DNHD1: variants seen among roughly 807,000 people sequenced by gnomAD.
DNHD1 encodes dynein heavy chain domain-containing protein 1.
Under a neutral mutation model 458.1 loss-of-function variants are expected in DNHD1, and 383 were observed. The ratio of observed to expected loss-of-function variants is 0.84; its 90% CI spans 0.77 to 0.91. DNHD1 has a LOEUF of 0.91. Ranked by LOEUF, DNHD1 falls within the 40% of genes least tolerant of loss-of-function variation. The probability of loss-of-function intolerance (pLI) is 0.00; values close to 1 mark genes in which losing one functional copy is unlikely to be tolerated. For synonymous variants in DNHD1, 2,203 were observed against 2,376.9 expected (o/e 0.93, Z 2.13); for missense variants, 5,336 against 5,866.1 (o/e 0.91, Z 2.95).
chr11:6,570,997 G>T lies in DNHD1; in HGVS notation c.13485G>T (p.Leu4495Phe), dbSNP rs1328908142. 2.2e-5 allele frequency: 35 copies of T among 1,600,968 alleles called. No individual in the cohort carries two copies. The highest frequency in any genetic ancestry group is 2.7e-5 in the Non-Finnish European group (32 of 1,170,782). Residue 4495 changes from leucine (L) to phenylalanine (F), a missense_variant, in exon 42 of 43, where the codon TTG (leucine) becomes TTT (phenylalanine). Leu to Phe is a conservative substitution (Grantham distance 22). This residue lies in a region of DNHD1 where 698 missense variants were observed against 664.9 expected (regional missense o/e 1.05). Coordinates refer to ENST00000254579, the MANE Select transcript of DNHD1 (RefSeq NM_144666.3). The part of the protein sequence containing the change: ...LETEALELSQ[L>F]VGTLQRDLDC... ...CCGAGGCTCTAGAACTGAGCCAGTT[G>T]GTGGGCACGCTACAACGCGACCTTG...
At chr11:6,516,974 C>T (rs1264720244) in intron 7 of DNHD1, among the ~76,000 whole-genome samples, 1 of 152,054 alleles carries the variant, frequency 6.6e-6, no homozygotes, top group African/African-American at 2.4e-5. Flanking sequence ...ACTCAGGCCT[C>T]TATAACAAAA....
Position 6,533,870 on chromosome 11 carries a change from C to A in DNHD1, c.2695C>A (p.Leu899Ile). 2 of 1,550,640 alleles carry A rather than the reference C, an allele frequency of 1.3e-6. No individual in the cohort carries two copies. Among genetic ancestry groups the A allele is most frequent in the Non-Finnish European group, 1.7e-6 (2 of 1,146,394 alleles). ...PCPPPPQPHL[L>I]HCPLLAPQLL... ...CCCTCCTCCCCCACAACCACATCTA[C>A]TCCACTGCCCTCTGCTTGCCCCACA... Residue 899 changes from leucine (L) to isoleucine (I), a missense_variant, in exon 14 of 43, where the codon CTC becomes ATC. Transcript: ENST00000254579.
chr11:6,503,019 C>T, intron 4 of DNHD1, 93 bp downstream of exon 4: 2 of 1,393,754 alleles, frequency 1.4e-6, no homozygotes, highest in Admixed American at 2.4e-5. Context: ...GCGCACCCTT[C>T]TCCCTGTCCT....
At position 6,497,754 on chromosome 11, in the gene DNHD1, A is replaced by G. The variant is rs1485461238; in HGVS notation, c.-445-17A>G. ...CAGACTGGAACTCAAGTCTAAGTTC[A>G]TTCACTGCTCCAGCAGGCACTCTTC... On this transcript the variant is annotated splice_polypyrimidine_tract_variant and intron_variant, in intron 2 of 42. Transcript: ENST00000254579. 1.2e-5 allele frequency: 2 copies of G among 170,548 alleles called. No individual in the cohort carries two copies. The highest frequency in any genetic ancestry group is 3.3e-4 in the East Asian group (2 of 6,012). The allele number at this position is 170,548 out of a possible 1,614,324, so 10.6% of individuals were successfully genotyped here.
intron 6 of DNHD1, among the ~76,000 whole-genome samples, chr11:6,510,022 ATCCAC>A (rs1852304462): frequency 6.6e-6 from 1 of 152,244 alleles, no homozygotes; most frequent in East Asian, 1.9e-4. Flanking sequence ...TTTCCTAGAA[ATCCAC>A]ATTTTGTTAT....
chr11:6,558,294 A>G lies in DNHD1; in HGVS notation c.8999A>G (p.Gln3000Arg). 1 of 1,550,758 alleles carries G rather than the reference A, an allele frequency of 6.4e-7. No homozygotes were observed. The highest frequency in any genetic ancestry group is 8.7e-7 in the Non-Finnish European group (1 of 1,146,640). Residue 3000 changes from glutamine (Q) to arginine (R), a missense_variant, in exon 25 of 43, where the codon CAG becomes CGG. Coordinates refer to ENST00000254579, the MANE Select transcript of DNHD1 (RefSeq NM_144666.3). ...AACATCAAGAAGGAAATGGTGTTGC[A>G]GAGGTGAGGCCAAGAACCCCATATG... is the stretch of plus-strand genomic sequence containing the variant. ...KQNIKKEMVLQRFHQQVCSHL... is the reference protein window; with the variant it reads ...KQNIKKEMVLRRFHQQVCSHL...
At position 6,548,025 on chromosome 11, in the gene DNHD1, C is replaced by G; in HGVS notation, c.6890C>G (p.Ala2297Gly). 6.4e-7 allele frequency: 1 copy of G among 1,551,640 alleles called. No homozygotes were observed. The highest frequency in any genetic ancestry group is 8.7e-7 in the Non-Finnish European group (1 of 1,146,970). ...FLFALIWGFGAHLPSRFWPIF... is the reference protein window; with the variant it reads ...FLFALIWGFGGHLPSRFWPIF... ...TTTGCCTTGATCTGGGGCTTTGGAGCCCACCTTCCCTCCAGGTACCTACCA... is the reference window on the plus strand; with the variant it reads ...TTTGCCTTGATCTGGGGCTTTGGAGGCCACCTTCCCTCCAGGTACCTACCA... Residue 2297 changes from alanine (A) to glycine (G), a missense_variant, in exon 22 of 43, where the codon GCC (alanine) becomes GGC (glycine). Coordinates refer to ENST00000254579, the MANE Select transcript of DNHD1 (RefSeq NM_144666.3). The surrounding 1 kb of genome is among the most constrained non-coding windows in gnomAD (Gnocchi z 4.4).
Position 6,547,424 on chromosome 11 carries a change from C to T in DNHD1, c.6485C>T (p.Ala2162Val), listed in dbSNP as rs1201538619. The change falls in exon 21 of 43, where the codon GCA becomes GTA. Residue 2162 changes from alanine (A) to valine (V), a missense_variant. Physicochemically the swap from Ala to Val is moderately conservative, Grantham distance 64 (BLOSUM62 0). This residue lies in a region of DNHD1 where 3,932 missense variants were observed against 4,365.6 expected (regional missense o/e 0.90). Transcript: ENST00000254579. ...CAGTGTATACTTAGTGCCCTGATGG[C>T]ATCCCTTCCTTATGAGTACCGCCTG... ...TWQCILSALM[A>V]SLPYEYRLQH... 3.9e-6 allele frequency: 6 copies of T among 1,551,732 alleles called. No homozygotes were observed. Among genetic ancestry groups the T allele is most frequent in the Non-Finnish European group, 4.4e-6 (5 of 1,146,986 alleles).
In DNHD1 at chr11:6,567,017, A is replaced by G; in HGVS notation, c.11508A>G (p.Leu3836=). The change falls in exon 36 of 43, where the codon TTA becomes TTG. Residue 3836 remains leucine, a synonymous_variant. Transcript: ENST00000254579. ...AGCTGCGTGCTCATTGTGAAGAGTT[A>G]GAAGGGCAGAAACTACAGGAGATGG... is the stretch of plus-strand genomic sequence containing the variant. ...LCQLRAHCEE[L]EGQKLQEMVL... 1 of 1,614,052 alleles carries G rather than the reference A, an allele frequency of 6.2e-7. No homozygotes were observed. The highest frequency in any genetic ancestry group is 8.5e-7 in the Non-Finnish European group (1 of 1,179,900).
At chr11:6,521,560 G>A (rs1852604554) in intron 10 of DNHD1, among the ~76,000 whole-genome samples, 1 of 151,928 alleles carries the variant, frequency 6.6e-6, no homozygotes, top group South Asian at 2.1e-4. Flanking sequence ...AAAGATAGAA[G>A]GAAAAACAAA....
intron 12 of DNHD1, among the ~76,000 whole-genome samples, chr11:6,532,429 C>A (rs962019080): frequency 7.1e-4 from 108 of 152,300 alleles, no homozygotes; most frequent in African/African-American, 2.5e-3. Flanking sequence ...ACTTTCTTTA[C>A]TTTAATCCTT....
At chr11:6,549,033 T>A in intron 24 of DNHD1, 100 bp downstream of exon 24, 1 of 1,319,486 alleles carries the variant, frequency 7.6e-7, no homozygotes, top group East Asian at 2.5e-5. Flanking sequence ...TGTCTGTAGA[T>A]CTAACTTTAG....
intron 28 of DNHD1, among the ~76,000 whole-genome samples, chr11:6,560,335 C>T (rs531784039): frequency 2.6e-4 from 39 of 152,238 alleles, no homozygotes; most frequent in East Asian, 5.8e-4. Context: ...TGGCATATGT[C>T]GTGTCTACTA....
At position 6,571,948 on chromosome 11, in the gene DNHD1, C is replaced by T; in HGVS notation, c.14224C>T (p.Gln4742Ter). ...PTKLTPNTCV[Q>*]RRVHVCSPPL... The stretch of plus-strand genomic sequence containing the variant: ...CAAGCTCACCCCCAACACCTGTGTC[C>T]AAAGGAGGGTCCATGTGTGCAGCCC... The change falls in exon 43 of 43, where the codon CAA (glutamine) becomes TAA (stop). Residue 4742 changes from glutamine (Q) to a stop codon, truncating the protein, a stop_gained. Coordinates refer to ENST00000254579, the MANE Select transcript of DNHD1 (RefSeq NM_144666.3). LOFTEE classifies it high-confidence loss of function. This position sits in a 1 kb window ranked among gnomAD's most constrained non-coding sequence, Gnocchi z 5.0. The T allele has an allele frequency of 6.2e-7, 1 of 1,613,398 alleles. No homozygotes were observed. The highest frequency in any genetic ancestry group is 8.5e-7 in the Non-Finnish European group (1 of 1,179,460).
Position 6,557,482 on chromosome 11 carries a change from G to C in DNHD1, c.8187G>C (p.Glu2729Asp). The change falls in exon 25 of 43, where the codon GAG becomes GAC. Residue 2729 changes from glutamate to aspartate, a missense_variant. Glu to Asp is a conservative substitution (Grantham distance 45). Coordinates refer to ENST00000254579, the MANE Select transcript of DNHD1 (RefSeq NM_144666.3). Reference protein sequence around the residue: ...DFSNSNSETEEEEEPYGLQVA... With the variant: ...DFSNSNSETEDEEEPYGLQVA... ...GCAACAGCAATAGTGAAACAGAGGA[G>C]GAAGAGGAACCTTATGGCCTTCAGG... 6.4e-7 allele frequency: 1 copy of C among 1,551,768 alleles called. No homozygotes were observed. Among genetic ancestry groups the C allele is most frequent in the Non-Finnish European group, 8.7e-7 (1 of 1,147,034 alleles).
intron 24 of DNHD1, chr11:6,549,169 C>A (rs1853283665): frequency 1.8e-6 from 1 of 565,910 alleles, no homozygotes; most frequent in Admixed American, 3.3e-5. Context: ...AGCACCAGAT[C>A]TGTCTATCCA....
intron 37 of DNHD1, 86 bp downstream of exon 37, chr11:6,568,328 C>G (rs758010012): frequency 4.5e-6 from 7 of 1,548,582 alleles, no homozygotes; most frequent in Non-Finnish European, 6.1e-6. Flanking sequence ...GGCCAGTGAC[C>G]TAGCACCAAA....
Position 6,559,255 on chromosome 11 carries a change from T to C in DNHD1, c.9491T>C (p.Leu3164Ser). 4 of 1,551,686 alleles carry C rather than the reference T, an allele frequency of 2.6e-6. No individual in the cohort carries two copies. The highest frequency in any genetic ancestry group is 3.5e-6 in the Non-Finnish European group (4 of 1,146,968). The change falls in exon 28 of 43, where the codon TTG becomes TCG. Residue 3164 changes from leucine to serine, a missense_variant. By Grantham distance (145) the Leu-to-Ser change is moderately radical (BLOSUM62 -2). This residue lies in a region of DNHD1 where 3,932 missense variants were observed against 4,365.6 expected (regional missense o/e 0.90). Coordinates refer to ENST00000254579, the MANE Select transcript of DNHD1 (RefSeq NM_144666.3). ...HGTHANLIFDLEQQLKDSGKS... is the reference protein window; with the variant it reads ...HGTHANLIFDSEQQLKDSGKS... ...ACCCATGCCAATCTGATCTTTGACTTGGAACAGCAGCTGAAAGACTCCGGC... is the reference window on the plus strand; with the variant it reads ...ACCCATGCCAATCTGATCTTTGACTCGGAACAGCAGCTGAAAGACTCCGGC...
intron 40 of DNHD1, 22 bp from the exon 41 acceptor site, chr11:6,570,225 G>A (rs1274145697): frequency 2.1e-5 from 34 of 1,613,578 alleles, no homozygotes; most frequent in Non-Finnish European, 2.8e-5. Context: ...CTGGAACTGA[G>A]AGACTCTAAC....
Sources: gnomAD v4.1 joint callset for allele counts (sites outside exome capture counted in the v4.1 genomes callset) on GRCh38, gnomAD v4.1.1 for gene constraint, gnomAD v4.1.1 regional missense constraint, Gnocchi (gnomAD v3.1) non-coding constraint, MANE v1.5 for transcripts, NCBI Gene and HGNC (gene_info 2026-07-23, HGNC 2026-07-21) for gene names.